The following ASIC2 variants were observed in gnomAD, a reference collection of about 807,000 sequenced individuals.
The protein encoded by ASIC2 is acid-sensing ion channel 2.
ASIC2 carries 25 observed loss-of-function variants against 57.3 expected under a neutral mutation model. The ratio of observed to expected loss-of-function variants is 0.44; its 90% CI spans 0.32 to 0.61. The LOEUF is 0.61. Ranked by LOEUF, ASIC2 falls within the 20% of genes least tolerant of loss-of-function variation. The pLI, the probability that ASIC2 is intolerant of heterozygous loss-of-function variation, is 0.06. For synonymous variants in ASIC2, 319 were observed against 307.5 expected (o/e 1.04, Z -0.39); for missense variants, 641 against 738.1 (o/e 0.87, Z 1.52).
At chr17:33,575,907 G>C (rs1916605621) in intron 1 of ASIC2, among the ~76,000 whole-genome samples, 1 of 152,152 alleles carries the variant, frequency 6.6e-6, no homozygotes, top group Admixed American at 6.5e-5. Context: ...GGCTTAGAAA[G>C]GGGATGCCTG....
intron 1 of ASIC2, among the ~76,000 whole-genome samples, chr17:33,528,827 C>G (rs16968494): frequency 0.032 from 4,837 of 152,260 alleles, 208 homozygotes; most frequent in African/African-American, 0.099. Context: ...TGGTCCAATA[C>G]CAGCAACTCG....
chr17:33,129,219 C>T (rs983497480), intron 1 of ASIC2, among the ~76,000 whole-genome samples: 1 of 152,206 alleles, frequency 6.6e-6, no homozygotes, highest in South Asian at 2.1e-4. Context: ...CCTCTCACGG[C>T]AAACCCCTTC....
At chr17:33,378,531 T>C (rs1909361831) in intron 1 of ASIC2, among the ~76,000 whole-genome samples, 1 of 152,226 alleles carries the variant, frequency 6.6e-6, no homozygotes, top group South Asian at 2.1e-4. Flanking sequence ...GGGTGGTTCA[T>C]GCTCTGCCCC....
intron 1 of ASIC2, among the ~76,000 whole-genome samples, chr17:33,920,956 T>A (rs1298428320): frequency 6.6e-6 from 1 of 152,218 alleles, no homozygotes; most frequent in Non-Finnish European, 1.5e-5. Flanking sequence ...AACAGAGGAC[T>A]GTGTCCATAA....
intron 1 of ASIC2, among the ~76,000 whole-genome samples, chr17:33,316,134 G>C (rs1358073851): frequency 6.6e-6 from 1 of 152,096 alleles, no homozygotes; most frequent in Admixed American, 6.5e-5. Flanking sequence ...GTTTTTTCCT[G>C]GGAGTGTCTA....
chr17:33,040,457 C>T (rs1251935455), intron 3 of ASIC2, among the ~76,000 whole-genome samples: 6 of 152,222 alleles, frequency 3.9e-5, no homozygotes, highest in African/African-American at 1.4e-4. Flanking sequence ...TCCACTAAAT[C>T]AGGGGTCTGG....
intron 1 of ASIC2, chr17:33,828,181 C>T (rs905290171): frequency 3.9e-5 from 6 of 152,198 alleles, no homozygotes; most frequent in African/African-American, 1.4e-4. Context: ...CTGCAATAAA[C>T]ATACATGTGC....
In ASIC2 at chr17:33,928,234, G is replaced by A. The variant is rs139670998; in HGVS notation, c.555+227744C>T. ...AGATGCCACCCTGCTGCCCATTGGC[G>A]ACCTTTCGAAGGTGCTCTCCTGGTG... On this transcript the variant is annotated intron_variant, in intron 1 of 9. Transcript: ENST00000359872. Among the ~76,000 whole-genome samples, 193 of 152,294 alleles carry A rather than the reference G, an allele frequency of 1.3e-3. 1 individual carries two copies. The highest frequency in any genetic ancestry group is 3.4e-3 in the Middle Eastern group (1 of 294).
intron 1 of ASIC2, chr17:34,037,321 C>A: frequency 3.5e-6 from 1 of 288,764 alleles, no homozygotes; most frequent in Non-Finnish European, 6.5e-6. Context: ...GTTCACAGTA[C>A]ATGGAACCAG....
At chr17:33,480,642 C>T (rs1265065370) in intron 1 of ASIC2, among the ~76,000 whole-genome samples, 2 of 152,116 alleles carry the variant, frequency 1.3e-5, no homozygotes, top group African/African-American at 4.8e-5. Flanking sequence ...GGACCATTGA[C>T]CATCTCCTTA....
chr17:33,697,870 A>G (rs1162773642), intron 1 of ASIC2, among the ~76,000 whole-genome samples: 2 of 152,208 alleles, frequency 1.3e-5, no homozygotes, highest in Non-Finnish European at 2.9e-5. Flanking sequence ...TGGGGCCCAG[A>G]GTGTATTAAT....
intron 1 of ASIC2, among the ~76,000 whole-genome samples, chr17:33,911,586 T>C (rs999014335): frequency 6.6e-6 from 1 of 152,158 alleles, no homozygotes; most frequent in African/African-American, 2.4e-5. Context: ...AAAAAGAGGC[T>C]GAGGAATGTG....
chr17:33,099,598 T>A (rs1231672404), intron 2 of ASIC2, among the ~76,000 whole-genome samples: 1 of 152,200 alleles, frequency 6.6e-6, no homozygotes, highest in Non-Finnish European at 1.5e-5. Context: ...ACCAAAAGAT[T>A]TATCTCAAGC....
intron 3 of ASIC2, among the ~76,000 whole-genome samples, chr17:33,071,093 T>A (rs2092067368): frequency 4.6e-5 from 7 of 152,156 alleles, no homozygotes; most frequent in Admixed American, 3.9e-4. Flanking sequence ...GTTTTCTTCA[T>A]GTTTCTTGTG....
intron 1 of ASIC2, among the ~76,000 whole-genome samples, chr17:33,689,405 C>G (rs78150688): frequency 0.021 from 3,129 of 152,270 alleles, 52 homozygotes; most frequent in East Asian, 0.031. Context: ...TCCCTAACCT[C>G]TACACGCTAG....
intron 1 of ASIC2, among the ~76,000 whole-genome samples, chr17:34,062,117 A>G (rs1014915160): frequency 6.6e-6 from 1 of 152,202 alleles, no homozygotes; most frequent in Admixed American, 6.5e-5. Context: ...AGACCATATA[A>G]TAGGACATAA....
chr17:33,920,654 C>T (rs1320248704), intron 1 of ASIC2, among the ~76,000 whole-genome samples: 1 of 152,186 alleles, frequency 6.6e-6, no homozygotes, highest in Non-Finnish European at 1.5e-5. Context: ...CAGACTTCAG[C>T]GTCATGCAAT....
intron 1 of ASIC2, among the ~76,000 whole-genome samples, chr17:33,818,896 C>T (rs1036199767): frequency 6.6e-6 from 1 of 152,182 alleles, no homozygotes; most frequent in Non-Finnish European, 1.5e-5. Context: ...ATTGGGCATG[C>T]CTTCCAAGGC....
chr17:33,980,164 C>T (rs1008149699), intron 1 of ASIC2, among the ~76,000 whole-genome samples: 20 of 152,092 alleles, frequency 1.3e-4, no homozygotes, highest in East Asian at 1.9e-4. Flanking sequence ...CAAGCATAAG[C>T]GGTTAGATCC....
Sources: allele counts gnomAD v4.1 joint callset (sites outside exome capture counted in the v4.1 genomes callset), GRCh38; gene constraint gnomAD v4.1.1; transcripts MANE v1.5; gene names NCBI Gene and HGNC (gene_info 2026-07-23, HGNC 2026-07-21).